Variants in ERMP1 observed in about 807,000 individuals in gnomAD.
ERMP1 encodes the protein endoplasmic reticulum metallopeptidase 1.
ERMP1 carries 86 observed loss-of-function variants against 92.0 expected under a neutral mutation model. The observed-to-expected ratio is 0.93, with a 90% CI of 0.79 to 1.12. The LOEUF (loss-of-function observed/expected upper bound fraction) is 1.12. Among genes scored for constraint, ERMP1 ranks in the 50% most tolerant of loss-of-function variants. ERMP1 has a pLI of 0.00. For missense variants in ERMP1, 1,342 were observed against 1,116.3 expected (o/e 1.20, Z -2.88); for synonymous variants, 530 against 412.8 (o/e 1.28, Z -3.44).
intron 8 of ERMP1, among the ~76,000 whole-genome samples, chr9:5,806,743 T>A (rs760482255): frequency 1.3e-5 from 2 of 152,192 alleles, no homozygotes; most frequent in Non-Finnish European, 2.9e-5. Context: ...CCTGGCCTAA[T>A]ATGAACTTAA....
upstream of ERMP1, among the ~76,000 whole-genome samples, chr9:5,833,982 T>C (rs568417809): frequency 1.3e-5 from 2 of 152,234 alleles, no homozygotes; most frequent in East Asian, 3.8e-4. Flanking sequence ...AGCTTGGAGT[T>C]GCTACATTAG....
At chr9:5,825,877 T>C (rs993901480) in intron 2 of ERMP1, among the ~76,000 whole-genome samples, 7 of 152,344 alleles carry the variant, frequency 4.6e-5, no homozygotes, top group East Asian at 1.9e-4. Context: ...AAATTTTGTA[T>C]GTTAATTAAA....
intron 4 of ERMP1, among the ~76,000 whole-genome samples, chr9:5,818,430 C>G (rs983295218): frequency 7.2e-5 from 11 of 152,090 alleles, no homozygotes; most frequent in Non-Finnish European, 4.4e-5. Flanking sequence ...TAAGAGAAAA[C>G]CAAGACTGGA....
chr9:5,790,347 A>G (rs1292279412), intron 13 of ERMP1, among the ~76,000 whole-genome samples: 2 of 152,154 alleles, frequency 1.3e-5, no homozygotes, highest in Non-Finnish European at 2.9e-5. Context: ...TGTTTTAAAG[A>G]GCATAGAAGA....
At chr9:5,852,812 T>A (rs1332134044) in intron 6 of ERMP1, among the ~76,000 whole-genome samples, 1 of 152,210 alleles carries the variant, frequency 6.6e-6, no homozygotes, top group South Asian at 2.1e-4. Flanking sequence ...CAGCAACTGA[T>A]AGGATTCAAT....
At chr9:5,836,446 T>C (rs1830096702), upstream of ERMP1, among the ~76,000 whole-genome samples, 1 of 152,144 alleles carries the variant, frequency 6.6e-6, no homozygotes, top group African/African-American at 2.4e-5. Flanking sequence ...AAAGAAGCAG[T>C]TGTCAAAAGC....
intron 6 of ERMP1, among the ~76,000 whole-genome samples, chr9:5,843,094 G>T (rs1475438429): frequency 6.6e-6 from 1 of 152,212 alleles, no homozygotes; most frequent in African/African-American, 2.4e-5. Context: ...CTTATTTAGG[G>T]AACAGAAAAG....
intron 4 of ERMP1, among the ~76,000 whole-genome samples, chr9:5,818,481 CAAGG>C (rs1212810595): frequency 1.3e-5 from 2 of 152,024 alleles, no homozygotes; most frequent in African/African-American, 4.8e-5. Context: ...TTTGGGAGGC[CAAGG>C]AAGGAAGACT....
intron 6 of ERMP1, among the ~76,000 whole-genome samples, chr9:5,842,455 GAAAAGAA>G (rs1830179023): frequency 7.1e-6 from 1 of 141,220 alleles, no homozygotes; most frequent in African/African-American, 2.5e-5. Flanking sequence ...AAAAAAGAAA[GAAAAGAA>G]AAAAGAAAAA....
chr9:5,800,711 C>T (rs1419375989), intron 11 of ERMP1, among the ~76,000 whole-genome samples: 1 of 152,106 alleles, frequency 6.6e-6, no homozygotes, highest in Non-Finnish European at 1.5e-5. Context: ...CTAAAACTCA[C>T]TTTATTAAAC....
chr9:5,810,765 A>G (rs767045948), intron 7 of ERMP1, among the ~76,000 whole-genome samples: 1 of 152,218 alleles, frequency 6.6e-6, no homozygotes, highest in Non-Finnish European at 1.5e-5. Flanking sequence ...TTTAACCACA[A>G]GCAGTTCATT....
chr9:5,807,761 A>T (rs1265966375), intron 8 of ERMP1, among the ~76,000 whole-genome samples: 9 of 151,958 alleles, frequency 5.9e-5, no homozygotes, highest in Admixed American at 5.9e-4. Context: ...CAACAACAAA[A>T]AAAAAACGGA....
At chr9:5,807,683 T>C (rs1828919780) in intron 8 of ERMP1, among the ~76,000 whole-genome samples, 1 of 151,578 alleles carries the variant, frequency 6.6e-6, no homozygotes, top group Admixed American at 6.6e-5. Flanking sequence ...GAGGCAGAGG[T>C]TGCAGTGAGC....
chr9:5,837,091 T>C (rs1830104014), upstream of ERMP1, among the ~76,000 whole-genome samples: 1 of 152,226 alleles, frequency 6.6e-6, no homozygotes, highest in African/African-American at 2.4e-5. Flanking sequence ...TCTCTGATTC[T>C]GGAATACTCT....
intron 4 of ERMP1, among the ~76,000 whole-genome samples, chr9:5,818,853 G>A (rs1317149091): frequency 3.3e-5 from 5 of 152,190 alleles, no homozygotes; most frequent in Admixed American, 3.3e-4. Context: ...TTGCCAAAAT[G>A]CACATCTACA....
At chr9:5,828,706 T>A (rs200171029) in intron 2 of ERMP1, among the ~76,000 whole-genome samples, 2 of 152,180 alleles carry the variant, frequency 1.3e-5, no homozygotes, top group East Asian at 3.8e-4. Flanking sequence ...TTAATAAACT[T>A]CTATTTGGTT....
chr9:5,863,209 C>T (rs1174634853), intron 5 of ERMP1, among the ~76,000 whole-genome samples: 2 of 152,128 alleles, frequency 1.3e-5, no homozygotes, highest in African/African-American at 4.8e-5. Context: ...GTTACATTTC[C>T]AATGATGGGC....
chr9:5,839,271 G>A (rs1192621706), intron 6 of ERMP1, among the ~76,000 whole-genome samples: 1 of 152,142 alleles, frequency 6.6e-6, no homozygotes, highest in Non-Finnish European at 1.5e-5. Context: ...CTGTGACCTG[G>A]GAGAAGAATT....
intron 13 of ERMP1, among the ~76,000 whole-genome samples, chr9:5,788,821 T>C (rs1828047532): frequency 6.6e-6 from 1 of 152,054 alleles, no homozygotes; most frequent in Admixed American, 6.6e-5. Flanking sequence ...AAATTCTTAC[T>C]AGAAGGAAGA....
Sources: allele counts gnomAD v4.1 joint callset (sites outside exome capture counted in the v4.1 genomes callset), GRCh38; gene constraint gnomAD v4.1.1; transcripts MANE v1.5; gene names NCBI Gene and HGNC (gene_info 2026-07-23, HGNC 2026-07-21).